SYT1: variants seen among roughly 807,000 people sequenced by gnomAD.
SYT1 encodes synaptotagmin 1, also known as synaptotagmin-1.
Under a neutral mutation model 44.8 loss-of-function variants are expected in SYT1, and 8 were observed. That is an observed-to-expected ratio of 0.18 (90% CI 0.10 to 0.32). The LOEUF is 0.32. Among genes scored for constraint, SYT1 ranks in the 10% least tolerant of loss-of-function variants. The probability of loss-of-function intolerance (pLI) is 1.00; values close to 1 mark genes in which losing one functional copy is unlikely to be tolerated. For missense variants in SYT1, 286 were observed against 509.3 expected (o/e 0.56, Z 4.22); for synonymous variants, 154 against 188.8 (o/e 0.82, Z 1.51).
chr12:79,380,820 T>C (rs1884188532), intron 9 of SYT1, among the ~76,000 whole-genome samples: 1 of 152,152 alleles, frequency 6.6e-6, no homozygotes, highest in South Asian at 2.1e-4. Context: ...AAACACCTAT[T>C]CATGCCTTCT....
chr12:79,214,953 G>A (rs528107631), intron 3 of SYT1, among the ~76,000 whole-genome samples: 1 of 136,640 alleles, frequency 7.3e-6, no homozygotes, highest in African/African-American at 2.5e-5. Flanking sequence ...GTGTGTGTGT[G>A]TGTGTGTGTG....
intron 4 of SYT1, among the ~76,000 whole-genome samples, chr12:79,265,489 T>C (rs1878076509): frequency 6.6e-6 from 1 of 152,166 alleles, no homozygotes. Flanking sequence ...TACTAACTGA[T>C]ACGTTTACAA....
chr12:79,283,231 T>C (rs759762372), intron 4 of SYT1, among the ~76,000 whole-genome samples: 5 of 152,190 alleles, frequency 3.3e-5, no homozygotes, highest in Non-Finnish European at 5.9e-5. Context: ...AATTTCATTA[T>C]ATTTAATACA....
rs763722872 is a variant in SYT1, at chr12:79,073,292, T to C, written c.-18+25930T>C. On this transcript the variant is annotated intron_variant, in intron 3 of 10. Coordinates refer to ENST00000261205, the MANE Select transcript of SYT1 (RefSeq NM_005639.3). ...AGGATATAATTAACTAAAAAGTTTT[T>C]TGTTGCTTGTCTGAAGTTCAAATTT... Among the ~76,000 whole-genome samples the C allele has an allele frequency of 2.0e-4, 31 of 152,284 alleles. 1 individual carries two copies. The highest frequency in any genetic ancestry group is 1.9e-4 in the East Asian group (1 of 5,176).
At chr12:79,323,790 A>G (rs1881477672) in intron 8 of SYT1, among the ~76,000 whole-genome samples, 1 of 151,526 alleles carries the variant, frequency 6.6e-6, no homozygotes, top group Non-Finnish European at 1.5e-5. Context: ...TATGTTAAAT[A>G]GAAAAAGCAA....
intron 4 of SYT1, among the ~76,000 whole-genome samples, chr12:79,251,150 A>ATAGAC (rs1470109990): frequency 6.6e-6 from 1 of 152,204 alleles, no homozygotes; most frequent in African/African-American, 2.4e-5. Context: ...GTACTCAGCT[A>ATAGAC]TAGACTAATC....
rs1207869095 is a variant in SYT1, at chr12:79,331,494, T to C, written c.811-22008T>C. On this transcript the variant is annotated intron_variant, in intron 8 of 10. Coordinates refer to ENST00000261205, the MANE Select transcript of SYT1 (RefSeq NM_005639.3). ...ATATTCTCCTAGTTGAAAGACTTTT[T>C]AGGACATCTAAAATTTGTGTGAATT... Among the ~76,000 whole-genome samples the C allele has an allele frequency of 2.0e-5, 3 of 152,186 alleles. No individual in the cohort carries two copies. The South Asian group carries it at 6.2e-4, about 31-fold the overall frequency.
At chr12:79,334,095 C>A (rs73352976) in intron 8 of SYT1, among the ~76,000 whole-genome samples, 19,817 of 152,064 alleles carry the variant, frequency 0.13, 2,128 homozygotes, top group African/African-American at 0.3. Flanking sequence ...ACTGAGTATA[C>A]GCTATGTGCT....
intron 9 of SYT1, among the ~76,000 whole-genome samples, chr12:79,415,004 G>T (rs994990704): frequency 6.6e-6 from 1 of 152,218 alleles, no homozygotes; most frequent in East Asian, 1.9e-4. Context: ...GCAGGGCCTT[G>T]TTAGGTTACC....
intron 2 of SYT1, among the ~76,000 whole-genome samples, chr12:79,003,377 C>T (rs1171029963): frequency 1.3e-5 from 2 of 151,910 alleles, no homozygotes; most frequent in African/African-American, 4.8e-5. Flanking sequence ...GCCTTCCTAC[C>T]TTCATGTATC....
chr12:79,015,016 A>T (rs1184387282), intron 2 of SYT1, among the ~76,000 whole-genome samples: 4 of 151,936 alleles, frequency 2.6e-5, no homozygotes, highest in Admixed American at 6.6e-5. Flanking sequence ...AACAATGAGA[A>T]CACATGGACA....
At chr12:79,077,607 T>C (rs965999710) in intron 3 of SYT1, among the ~76,000 whole-genome samples, 5 of 152,198 alleles carry the variant, frequency 3.3e-5, no homozygotes, top group Admixed American at 2.0e-4. Context: ...TAAAGTGATA[T>C]TAAGCAATGT....
intron 3 of SYT1, among the ~76,000 whole-genome samples, chr12:79,075,654 T>C (rs535443640): frequency 5.9e-5 from 9 of 152,266 alleles, no homozygotes; most frequent in African/African-American, 2.2e-4. Context: ...GGCTATTTGA[T>C]CTTGAAGGTC....
intron 7 of SYT1, 65 bp from the exon 8 acceptor site, chr12:79,299,319 G>T: frequency 2.0e-6 from 3 of 1,530,622 alleles, no homozygotes; most frequent in South Asian, 1.2e-5. Flanking sequence ...TAAGCACCAT[G>T]AACAAGTAAC....
At position 79,049,370 on chromosome 12, in the gene SYT1, G is replaced by A. The variant is rs921248937; in HGVS notation, c.-18+2008G>A. Among the ~76,000 whole-genome samples, 3 of 151,862 alleles carry A rather than the reference G, an allele frequency of 2.0e-5. No homozygotes were observed. In the East Asian group the frequency reaches 5.8e-4, roughly 29 times the overall value. ...AAGAAGAAATTATGCCTCTTTTCAT[G>A]CATTTTTATGTGGTTTGGAGCAGGT... On this transcript the variant is annotated intron_variant, in intron 3 of 10. Transcript: ENST00000261205.
At chr12:78,894,921 A>G (rs1004013358) in intron 1 of SYT1, among the ~76,000 whole-genome samples, 1 of 151,674 alleles carries the variant, frequency 6.6e-6, no homozygotes, top group African/African-American at 2.4e-5. Context: ...AAGTGTTCTC[A>G]CCACAAAAAA....
chr12:79,249,937 C>A (rs904108747), intron 4 of SYT1, among the ~76,000 whole-genome samples: 22 of 151,726 alleles, frequency 1.4e-4, no homozygotes, highest in African/African-American at 5.1e-4. Context: ...CCTTAAAGTC[C>A]CCAGACCAAA....
At chr12:79,249,753 TTAGG>T (rs541719291) in intron 4 of SYT1, among the ~76,000 whole-genome samples, 69 of 152,188 alleles carry the variant, frequency 4.5e-4, no homozygotes, top group African/African-American at 1.7e-3. Context: ...CAAGAGAAGG[TTAGG>T]TCACCATTCC....
At chr12:79,345,620 C>T (rs1468487825) in intron 8 of SYT1, among the ~76,000 whole-genome samples, 2 of 152,180 alleles carry the variant, frequency 1.3e-5, no homozygotes, top group Non-Finnish European at 2.9e-5. Context: ...AGCCTGAACA[C>T]ATTACACAGC....
Sources: gnomAD v4.1 joint callset for allele counts (sites outside exome capture counted in the v4.1 genomes callset) on GRCh38, gnomAD v4.1.1 for gene constraint, MANE v1.5 for transcripts, NCBI Gene and HGNC (gene_info 2026-07-23, HGNC 2026-07-21) for gene names.